DLG2: variants seen among roughly 807,000 people sequenced by gnomAD.
DLG2 encodes discs large MAGUK scaffold protein 2.
Under a neutral mutation model 132.5 loss-of-function variants are expected in DLG2, and 45 were observed. The observed-to-expected ratio is 0.34, with a 90% CI of 0.27 to 0.44. The LOEUF is 0.44. Among genes scored for constraint, DLG2 ranks in the 20% least tolerant of loss-of-function variants. The pLI is 1.00. For missense variants in DLG2, 1,045 were observed against 1,196.9 expected, an observed-to-expected ratio of 0.87 and a Z score of 1.87; for synonymous variants, 424 against 419.6, an observed-to-expected ratio of 1.01 and a Z score of -0.13.
intron 3 of DLG2, among the ~76,000 whole-genome samples, chr11:85,496,859 C>A (rs1327453097): frequency 6.8e-6 from 1 of 147,506 alleles, no homozygotes; most frequent in East Asian, 1.9e-4. Context: ...GGAAAACTAA[C>A]AAACAGAAAG....
chr11:85,125,082 G>A (rs555436875), intron 5 of DLG2, among the ~76,000 whole-genome samples: 4 of 152,222 alleles, frequency 2.6e-5, no homozygotes, highest in East Asian at 3.9e-4. Context: ...TGCCCGTCTC[G>A]GCCTCCCAAA....
At chr11:83,558,967 G>T (rs1304324362) in intron 19 of DLG2, among the ~76,000 whole-genome samples, 1 of 151,776 alleles carries the variant, frequency 6.6e-6, no homozygotes, top group African/African-American at 2.4e-5. Context: ...TACAGGGCAA[G>T]ACATACTGTA....
intron 4 of DLG2, among the ~76,000 whole-genome samples, chr11:85,272,525 A>G (rs897663921): frequency 6.6e-6 from 1 of 152,164 alleles, no homozygotes; most frequent in Non-Finnish European, 1.5e-5. Context: ...TAAGGCCTTC[A>G]ACTGATTGTA....
intron 18 of DLG2, among the ~76,000 whole-genome samples, chr11:83,679,612 A>T (rs1022162629): frequency 4.6e-5 from 7 of 152,216 alleles, no homozygotes; most frequent in Non-Finnish European, 7.3e-5. Flanking sequence ...AAAAAATTGT[A>T]TAATCTTCCT....
At chr11:85,399,828 C>T (rs1488690727) in intron 3 of DLG2, among the ~76,000 whole-genome samples, 1 of 152,056 alleles carries the variant, frequency 6.6e-6, no homozygotes, top group Non-Finnish European at 1.5e-5. Context: ...CATAAAAACC[C>T]TAGAAGAAAA....
chr11:83,763,105 C>T (rs990109465), intron 18 of DLG2, among the ~76,000 whole-genome samples: 1 of 152,174 alleles, frequency 6.6e-6, no homozygotes, highest in African/African-American at 2.4e-5. Context: ...CATCAGTTCT[C>T]CCCTATGGTG....
intron 4 of DLG2, among the ~76,000 whole-genome samples, chr11:85,162,426 G>A (rs1049478540): frequency 6.6e-5 from 10 of 152,222 alleles, no homozygotes; most frequent in African/African-American, 2.4e-4. Context: ...CTGCTGAGGT[G>A]CTTGCTGAAG....
intron 7 of DLG2, among the ~76,000 whole-genome samples, chr11:84,529,753 A>C (rs2154519794): frequency 6.6e-6 from 1 of 152,344 alleles, no homozygotes; most frequent in South Asian, 2.1e-4. Flanking sequence ...TATTCCTATC[A>C]AACTGCCAAT....
intron 12 of DLG2, among the ~76,000 whole-genome samples, chr11:83,969,634 C>T (rs1328476894): frequency 5.3e-5 from 8 of 152,202 alleles, no homozygotes; most frequent in East Asian, 3.9e-4. Flanking sequence ...AGTGCCATGG[C>T]GTGATCTTGG....
At chr11:83,477,149 T>G (rs556056356) in intron 22 of DLG2, among the ~76,000 whole-genome samples, 2 of 152,270 alleles carry the variant, frequency 1.3e-5, no homozygotes, top group East Asian at 3.9e-4. Context: ...AGAGCTTTAC[T>G]GAGCTTTGAG....
intron 9 of DLG2, among the ~76,000 whole-genome samples, chr11:84,142,533 C>T (rs560400109): frequency 2.6e-5 from 4 of 152,116 alleles, no homozygotes; most frequent in African/African-American, 9.6e-5. Context: ...AATAACATTG[C>T]CTCTGGTGTG....
At chr11:84,973,989 A>G (rs2054496819) in intron 6 of DLG2, among the ~76,000 whole-genome samples, 2 of 152,214 alleles carry the variant, frequency 1.3e-5, no homozygotes, top group Admixed American at 6.5e-5. Flanking sequence ...ACTAGCCACC[A>G]TTTATTTACT....
At chr11:83,745,909 T>C (rs1022446688) in intron 18 of DLG2, among the ~76,000 whole-genome samples, 2 of 151,874 alleles carry the variant, frequency 1.3e-5, no homozygotes, top group Non-Finnish European at 2.9e-5. Context: ...CATCAAAAAG[T>C]GGACAAAGGA....
chr11:84,747,111 G>C (rs560748759), intron 6 of DLG2, among the ~76,000 whole-genome samples: 3 of 152,140 alleles, frequency 2.0e-5, no homozygotes, highest in Non-Finnish European at 4.4e-5. Flanking sequence ...AGGTACATGG[G>C]TTTTGTAGTT....
chr11:84,213,100 T>A (rs1036460370), intron 8 of DLG2, among the ~76,000 whole-genome samples: 7 of 152,218 alleles, frequency 4.6e-5, no homozygotes, highest in African/African-American at 1.4e-4. Flanking sequence ...TAGGCCTTGT[T>A]CCAGCAAACA....
chr11:84,924,107 A>C (rs1262145682), intron 6 of DLG2, among the ~76,000 whole-genome samples: 1 of 152,128 alleles, frequency 6.6e-6, no homozygotes, highest in Non-Finnish European at 1.5e-5. Context: ...AAGGAAAAAA[A>C]AAAATTAAAA....
At chr11:85,269,591 G>A (rs1193379718) in intron 4 of DLG2, among the ~76,000 whole-genome samples, 6 of 152,164 alleles carry the variant, frequency 3.9e-5, no homozygotes, top group African/African-American at 1.4e-4. Flanking sequence ...AGAGAATAAT[G>A]AGACTGTATA....
At chr11:84,294,610 T>C (rs1339416267) in intron 7 of DLG2, among the ~76,000 whole-genome samples, 2 of 152,088 alleles carry the variant, frequency 1.3e-5, no homozygotes, top group South Asian at 2.1e-4. Context: ...AAAAAATAAA[T>C]AAATGAAAAT....
chr11:85,404,443 G>A (rs2088514278), intron 3 of DLG2, among the ~76,000 whole-genome samples: 1 of 151,898 alleles, frequency 6.6e-6, no homozygotes, highest in African/African-American at 2.4e-5. Flanking sequence ...ACCTAATACA[G>A]AACAATCATT....
Sources: allele counts gnomAD v4.1 joint callset (sites outside exome capture counted in the v4.1 genomes callset), GRCh38; gene constraint gnomAD v4.1.1; transcripts MANE v1.5; gene names NCBI Gene and HGNC (gene_info 2026-07-23, HGNC 2026-07-21).